Variants in CR1 observed in about 807,000 individuals in gnomAD.
The protein encoded by CR1 is complement C3b/C4b receptor 1 (Knops blood group).
CR1 carries 116 observed loss-of-function variants against 187.3 expected under a neutral mutation model. The observed-to-expected ratio is 0.62, with a 90% confidence interval of 0.53 to 0.72. CR1 has a LOEUF of 0.72. Ranked by LOEUF, CR1 falls within the 30% of genes least tolerant of loss-of-function variation. CR1 has a pLI of 0.00. For missense variants in CR1, 1,731 were observed against 2,110.7 expected (o/e 0.82, Z 3.52); for synonymous variants, 576 against 747.1 (o/e 0.77, Z 3.73).
Position 207,577,849 on chromosome 1 carries a change from A to AT in CR1, c.4584dup (p.Ser1529Ter), listed in dbSNP as rs1474035397. ...CCCAACCATCGCCAATGGAGATTTC[A>AT]TTAGCACCAACAGAGAGAATTTTCA... On this transcript the variant is annotated frameshift_variant, in exon 29 of 47. Transcript: ENST00000367049. LOFTEE classifies it high-confidence loss of function. 1.2e-6 allele frequency: 2 copies of AT among 1,613,786 alleles called. No homozygotes were observed. Among genetic ancestry groups the AT allele is most frequent in the African/African-American group, 2.7e-5 (2 of 74,918 alleles).
At chr1:207,581,261 G>A (rs9660194) in intron 31 of CR1, among the ~76,000 whole-genome samples, 1 of 132,202 alleles carries the variant, frequency 7.6e-6, no homozygotes, top group East Asian at 2.1e-4. Flanking sequence ...CGTATATGTA[G>A]ACGTATACAT....
chr1:207,526,622 A>T, intron 5 of CR1, 131 bp from the exon 6 acceptor site: 1 of 1,446,334 alleles, frequency 6.9e-7, no homozygotes, highest in Non-Finnish European at 9.1e-7. Flanking sequence ...TTAGTTTATC[A>T]ATGTAATAAG....
chr1:207,580,486 C>CCT, intron 30 of CR1, 25 bp from the exon 31 acceptor site: 1 of 1,378,388 alleles, frequency 7.3e-7, no homozygotes, highest in Non-Finnish European at 9.9e-7. Context: ...CCTATTTTTT[C>CCT]TTTTTTTTTT....
intron 32 of CR1, among the ~76,000 whole-genome samples, chr1:207,582,994 T>C (rs1746658): frequency 2.6e-5 from 4 of 152,160 alleles, no homozygotes; most frequent in Non-Finnish European, 5.9e-5. Context: ...CCCATAGATA[T>C]GTAGAAGCCA....
chr1:207,515,066 C>G (rs572023714), intron 4 of CR1, among the ~76,000 whole-genome samples: 2 of 140,346 alleles, frequency 1.4e-5, no homozygotes, highest in South Asian at 4.6e-4. Context: ...TGTATATATA[C>G]GTATATACGT....
intron 35 of CR1, among the ~76,000 whole-genome samples, chr1:207,594,924 C>G (rs1661383024): frequency 6.6e-6 from 1 of 152,070 alleles, no homozygotes; most frequent in Non-Finnish European, 1.5e-5. Flanking sequence ...CCCAAGAGAT[C>G]AGAGAAATAT....
chr1:207,523,390 T>C (rs1224236705), intron 4 of CR1, among the ~76,000 whole-genome samples: 2 of 152,206 alleles, frequency 1.3e-5, no homozygotes, highest in Admixed American at 1.3e-4. Flanking sequence ...ATTGAGTTAA[T>C]ACATGCATGC....
intron 36 of CR1, 143 bp downstream of exon 36, chr1:207,607,479 T>A: frequency 1.6e-6 from 1 of 641,760 alleles, no homozygotes; most frequent in Non-Finnish European, 2.7e-6. Context: ...ATGGTCTTCC[T>A]GGCTTTTCTT....
intron 44 of CR1, among the ~76,000 whole-genome samples, chr1:207,622,642 G>A (rs912166091): frequency 1.3e-5 from 2 of 152,184 alleles, no homozygotes; most frequent in Admixed American, 6.5e-5. Context: ...ACAAGAGAGA[G>A]AATTCCAGTA....
chr1:207,609,485 C>G lies in CR1; in HGVS notation c.6092C>G (p.Pro2031Arg), dbSNP rs374732257. The G allele has an allele frequency of 8.7e-6, 14 of 1,613,850 alleles. No individual in the cohort carries two copies. The highest frequency in any genetic ancestry group is 4.0e-5 in the African/African-American group (3 of 74,918). ...GATCAAGTTGGTGTTTGGAGCAGCC[C>G]TCCCCCTCGGTGTATTTCTACTAAT... The part of the protein sequence containing the change: ...KDDQVGVWSS[P>R]PPRCISTNKC... Residue 2031 changes from proline (P) to arginine (R), a missense_variant, in exon 37 of 47, where the codon CCT (proline) becomes CGT (arginine). By Grantham distance (103) the Pro-to-Arg change is moderately radical. This residue lies in a region of CR1 where 1,312 missense variants were observed against 1,379.6 expected (regional missense o/e 0.95). Coordinates refer to ENST00000367049, the MANE Select transcript of CR1 (RefSeq NM_000651.6).
At chr1:207,519,588 T>C (rs1305492284) in intron 4 of CR1, among the ~76,000 whole-genome samples, 2 of 152,186 alleles carry the variant, frequency 1.3e-5, no homozygotes, top group Non-Finnish European at 2.9e-5. Context: ...TTAATTCCAT[T>C]TATGTCCTCC....
intron 4 of CR1, among the ~76,000 whole-genome samples, chr1:207,519,624 G>A (rs1659912556): frequency 6.6e-6 from 1 of 151,968 alleles, no homozygotes; most frequent in African/African-American, 2.4e-5. Context: ...GTTGCCATAC[G>A]TTTTGCAAAA....
chr1:207,614,934 C>T (rs1377331424), intron 40 of CR1, among the ~76,000 whole-genome samples: 1 of 152,010 alleles, frequency 6.6e-6, no homozygotes, highest in African/African-American at 2.4e-5. Flanking sequence ...CTCAGCCTCC[C>T]AGTAGTTGGG....
At chr1:207,614,571 T>A in intron 40 of CR1, 82 bp downstream of exon 40, 1 of 1,070,104 alleles carries the variant, frequency 9.3e-7, no homozygotes, top group Non-Finnish European at 1.4e-6. Flanking sequence ...CATCACCTGT[T>A]GTCTAGATCT....
intron 1 of CR1, among the ~76,000 whole-genome samples, chr1:207,505,176 T>C (rs777527413): frequency 6.6e-6 from 1 of 152,210 alleles, no homozygotes; most frequent in Non-Finnish European, 1.5e-5. Flanking sequence ...TTTATTAAGA[T>C]GGAATCTTGC....
chr1:207,519,750 G>C (rs1659917983), intron 4 of CR1, among the ~76,000 whole-genome samples: 1 of 152,186 alleles, frequency 6.6e-6, no homozygotes, highest in Non-Finnish European at 1.5e-5. Context: ...AGCTGCAATG[G>C]GGGAAGAGGA....
At chr1:207,573,857 C>A (rs926920543) in intron 27 of CR1, among the ~76,000 whole-genome samples, 2 of 152,146 alleles carry the variant, frequency 1.3e-5, no homozygotes, top group African/African-American at 4.8e-5. Context: ...GACAGGCAAG[C>A]ACAGTGGCTC....
intron 1 of CR1, among the ~76,000 whole-genome samples, chr1:207,498,101 C>A (rs1273790928): frequency 6.6e-6 from 1 of 152,210 alleles, no homozygotes. Context: ...ACATCACTGA[C>A]CTTCAGTGTC....
intron 45 of CR1, among the ~76,000 whole-genome samples, chr1:207,626,420 T>A (rs761023541): frequency 1.3e-5 from 2 of 152,168 alleles, no homozygotes; most frequent in African/African-American, 4.8e-5. Context: ...TGTGGCTATG[T>A]GAGGAGGGCT....
Sources: gnomAD v4.1 joint callset for allele counts (sites outside exome capture counted in the v4.1 genomes callset) on GRCh38, gnomAD v4.1.1 for gene constraint, gnomAD v4.1.1 regional missense constraint, MANE v1.5 for transcripts, NCBI Gene and HGNC (gene_info 2026-07-23, HGNC 2026-07-21) for gene names.